PLCXD3: variants seen among roughly 807,000 people sequenced by gnomAD.
PLCXD3 encodes phosphatidylinositol specific phospholipase C X domain containing 3, also known as PI-PLC X domain-containing protein 3.
PLCXD3 carries 19 observed loss-of-function variants against 25.5 expected under a neutral mutation model. The ratio of observed to expected loss-of-function variants is 0.75; its 90% CI spans 0.52 to 1.09. The LOEUF is 1.09. PLCXD3 is among the 50% of genes least tolerant of loss of function. PLCXD3 has a pLI of 0.00. For synonymous variants in PLCXD3, 174 were observed against 137.6 expected (o/e 1.26, Z -1.85); for missense variants, 411 against 388.1 (o/e 1.06, Z -0.50).
chr5:41,506,373 CA>C (rs1328018340), intron 1 of PLCXD3, among the ~76,000 whole-genome samples: 1 of 152,150 alleles, frequency 6.6e-6, no homozygotes, highest in Non-Finnish European at 1.5e-5. Context: ...AAACCAAAAA[CA>C]AAACTGAGAA....
intron 1 of PLCXD3, among the ~76,000 whole-genome samples, chr5:41,504,542 C>T (rs1349653726): frequency 6.6e-6 from 1 of 152,184 alleles, no homozygotes; most frequent in Non-Finnish European, 1.5e-5. Context: ...GCAGCTTCCA[C>T]AATGGGTGAC....
chr5:41,459,966 G>A (rs906985655), intron 1 of PLCXD3, among the ~76,000 whole-genome samples: 4 of 151,888 alleles, frequency 2.6e-5, no homozygotes, highest in East Asian at 1.9e-4. Flanking sequence ...TAATACTAGC[G>A]TTCAAGATAA....
chr5:41,389,937 C>T (rs925143741), intron 1 of PLCXD3, among the ~76,000 whole-genome samples: 2 of 151,988 alleles, frequency 1.3e-5, no homozygotes, highest in Admixed American at 6.6e-5. Context: ...AAGCAATTGC[C>T]ACCACAATCA....
At chr5:41,486,574 T>C (rs1165007738) in intron 1 of PLCXD3, among the ~76,000 whole-genome samples, 2 of 152,056 alleles carry the variant, frequency 1.3e-5, no homozygotes, top group African/African-American at 2.4e-5. Context: ...GAGCTGAGCC[T>C]CAAATGGAAA....
At chr5:41,465,862 G>A (rs971043463) in intron 1 of PLCXD3, among the ~76,000 whole-genome samples, 6 of 151,948 alleles carry the variant, frequency 3.9e-5, no homozygotes, top group African/African-American at 1.2e-4. Flanking sequence ...TTTCCCCTCA[G>A]TTCAATTTCA....
At position 41,491,301 on chromosome 5, in the gene PLCXD3, G is replaced by C. The variant is rs567246984; in HGVS notation, c.103+19123C>G. Reference sequence around the variant, plus strand: ...TGATTGCACTGTGGTCTGAGAGATAGTTTGTTATAATTTCTGATCTTTTAC... The same window carrying C: ...TGATTGCACTGTGGTCTGAGAGATACTTTGTTATAATTTCTGATCTTTTAC... On this transcript the variant is annotated intron_variant, in intron 1 of 2. Transcript: ENST00000377801. Among the ~76,000 whole-genome samples the C allele has an allele frequency of 2.6e-5, 4 of 152,312 alleles. No individual in the cohort carries two copies. The South Asian group carries it at 8.3e-4, about 32-fold the overall frequency.
intron 1 of PLCXD3, among the ~76,000 whole-genome samples, chr5:41,471,062 G>C (rs1436191073): frequency 1.3e-5 from 2 of 152,166 alleles, no homozygotes; most frequent in African/African-American, 4.8e-5. Flanking sequence ...TCAAGGAGCA[G>C]GGCAGGGGTC....
At chr5:41,488,071 C>A (rs1165867531) in intron 1 of PLCXD3, among the ~76,000 whole-genome samples, 2 of 121,624 alleles carry the variant, frequency 1.6e-5, no homozygotes, top group Non-Finnish European at 3.4e-5. Flanking sequence ...TCCCCCCTCC[C>A]CCCTCCCCCC....
chr5:41,464,796 T>C (rs2150518062), intron 1 of PLCXD3, among the ~76,000 whole-genome samples: 1 of 152,196 alleles, frequency 6.6e-6, no homozygotes, highest in South Asian at 2.1e-4. Flanking sequence ...ATATGCGTGC[T>C]GGACTTTCTG....
intron 1 of PLCXD3, among the ~76,000 whole-genome samples, chr5:41,502,421 C>T (rs1748972706): frequency 6.6e-6 from 1 of 151,856 alleles, no homozygotes; most frequent in African/African-American, 2.4e-5. Context: ...TTAACCTTTT[C>T]TTGATGGGTC....
intron 1 of PLCXD3, among the ~76,000 whole-genome samples, chr5:41,386,635 C>A (rs1040258345): frequency 6.6e-6 from 1 of 152,100 alleles, no homozygotes; most frequent in African/African-American, 2.4e-5. Flanking sequence ...CCTGAGTGGG[C>A]CTGACTTGAG....
chr5:41,309,559 TA>T lies in PLCXD3; in HGVS notation c.*4057del, dbSNP rs1743075932. The T allele has an allele frequency of 6.6e-6, 1 of 152,238 alleles. No individual in the cohort carries two copies. Among genetic ancestry groups the T allele is most frequent in the South Asian group, 2.1e-4 (1 of 4,836 alleles). The allele number at this position is 152,238 out of a possible 1,614,324, so 9.4% of individuals were successfully genotyped here. On this transcript the variant is annotated 3_prime_UTR_variant, in exon 3 of 3. Coordinates refer to ENST00000377801, the MANE Select transcript of PLCXD3 (RefSeq NM_001005473.3). ...TTAAAAGATTGTGTCGTTGGATCTG[TA>T]AAACTGTGAAACTAAAAAACTCATG...
chr5:41,403,401 G>GTTTGTTTTTGTTTTTTTTT (rs1554047951), intron 1 of PLCXD3, among the ~76,000 whole-genome samples: 1 of 18,394 alleles, frequency 5.4e-5, no homozygotes, highest in Non-Finnish European at 1.4e-4. Context: ...CTTATTTGTT[G>GTTTGTTTTTGTTTTTTTTT]TTTTTTTTTT....
intron 1 of PLCXD3, among the ~76,000 whole-genome samples, chr5:41,397,131 G>A (rs1413600481): frequency 2.0e-5 from 3 of 152,214 alleles, no homozygotes; most frequent in African/African-American, 7.2e-5. Context: ...AATGCTAATA[G>A]CCAAGGCAAT....
At chr5:41,486,922 C>T (rs1344144051) in intron 1 of PLCXD3, among the ~76,000 whole-genome samples, 1 of 152,152 alleles carries the variant, frequency 6.6e-6, no homozygotes, top group Non-Finnish European at 1.5e-5. Context: ...CCAAGACTGA[C>T]CATGGCATGA....
chr5:41,398,434 C>T (rs1466350763), intron 1 of PLCXD3, among the ~76,000 whole-genome samples: 1 of 152,162 alleles, frequency 6.6e-6, no homozygotes, highest in Non-Finnish European at 1.5e-5. Context: ...GCTTCCTGTA[C>T]AGCCTGTGGA....
intron 2 of PLCXD3, among the ~76,000 whole-genome samples, chr5:41,319,123 T>C (rs1294864085): frequency 1.3e-5 from 2 of 152,176 alleles, no homozygotes; most frequent in Non-Finnish European, 2.9e-5. Context: ...ATAATAAGTA[T>C]TTTTAGAGCT....
intron 1 of PLCXD3, among the ~76,000 whole-genome samples, chr5:41,423,472 C>G (rs1005566350): frequency 6.6e-6 from 1 of 152,084 alleles, no homozygotes; most frequent in Non-Finnish European, 1.5e-5. Flanking sequence ...TTATGGCCTT[C>G]ATTTCTAGAA....
Position 41,382,216 on chromosome 5 carries a change from A to T in PLCXD3, c.422T>A (p.Phe141Tyr). Residue 141 changes from phenylalanine (F) to tyrosine (Y), a missense_variant, in exon 2 of 3, where the codon TTC (phenylalanine) becomes TAC (tyrosine). Transcript: ENST00000377801. ...FLTDHHKEVVFLDFNHFYGMQ... is the reference protein window; with the variant it reads ...FLTDHHKEVVYLDFNHFYGMQ... ...CCCATAAAAGTGGTTGAAGTCCAAG[A>T]ACACTACCTCCTTATGGTGATCTGT... 14 of 1,613,724 alleles carry T rather than the reference A, an allele frequency of 8.7e-6. No individual in the cohort carries two copies. Among genetic ancestry groups the T allele is most frequent in the Non-Finnish European group, 1.2e-5 (14 of 1,179,786 alleles).
Sources: gnomAD v4.1 joint callset for allele counts (sites outside exome capture counted in the v4.1 genomes callset) on GRCh38, gnomAD v4.1.1 for gene constraint, MANE v1.5 for transcripts, NCBI Gene and HGNC (gene_info 2026-07-23, HGNC 2026-07-21) for gene names.